Variants in MSRB3 observed in about 807,000 individuals in gnomAD.
MSRB3 encodes methionine-R-sulfoxide reductase B3.
MSRB3 carries 13 observed loss-of-function variants against 21.0 expected under a neutral mutation model. The ratio of observed to expected loss-of-function variants is 0.62; its 90% CI spans 0.40 to 0.98. The LOEUF is 0.98. MSRB3 is among the 50% of genes least tolerant of loss of function. The pLI is 0.00. For synonymous variants in MSRB3, 87 were observed against 88.6 expected (o/e 0.98, Z 0.10); for missense variants, 199 against 230.3 (o/e 0.86, Z 0.88).
chr12:65,353,224 G>T (rs1877148823), intron 4 of MSRB3, among the ~76,000 whole-genome samples: 1 of 152,148 alleles, frequency 6.6e-6, no homozygotes, highest in Admixed American at 6.6e-5. Flanking sequence ...GGAAAGTTCT[G>T]CAGATGTCCA....
At chr12:65,354,629 A>ATT (rs750752641) in intron 4 of MSRB3, among the ~76,000 whole-genome samples, 3 of 151,148 alleles carry the variant, frequency 2.0e-5, no homozygotes, top group African/African-American at 7.3e-5. Context: ...CATTCGTTTA[A>ATT]TTTTTTTTTA....
intron 1 of MSRB3, among the ~76,000 whole-genome samples, chr12:65,305,611 T>C (rs1409916525): frequency 2.0e-5 from 3 of 152,196 alleles, no homozygotes; most frequent in Non-Finnish European, 4.4e-5. Flanking sequence ...AACCTCCCTA[T>C]GCCTCAGTCT....
intron 1 of MSRB3, among the ~76,000 whole-genome samples, chr12:65,305,769 T>C (rs534108106): frequency 4.4e-4 from 66 of 150,902 alleles, no homozygotes; most frequent in African/African-American, 1.4e-3. Context: ...CTGTTGTTTG[T>C]TTTCATTAGA....
At position 65,318,514 on chromosome 12, in the gene MSRB3, T is replaced by TA. The variant is rs1874454085; in HGVS notation, c.77-8311dup. Among the ~76,000 whole-genome samples the TA allele has an allele frequency of 2.6e-5, 4 of 152,256 alleles. 2 individuals carry two copies. The highest frequency in any genetic ancestry group is 2.6e-4 in the Admixed American group (4 of 15,276). On this transcript the variant is annotated intron_variant, in intron 2 of 6. Transcript: ENST00000308259. ...AGCCTGTCTGTTTTTAATTTTTTTT[T>TA]ATGGGCTATGATGTTCTAGTGAAGA... is the stretch of plus-strand genomic sequence containing the variant.
At chr12:65,322,820 G>A (rs897170304) in intron 2 of MSRB3, among the ~76,000 whole-genome samples, 4 of 152,084 alleles carry the variant, frequency 2.6e-5, no homozygotes, top group Non-Finnish European at 4.4e-5. Flanking sequence ...TCTGTAAAAT[G>A]GGCATGACAG....
At chr12:65,325,729 G>A (rs908329394) in intron 2 of MSRB3, among the ~76,000 whole-genome samples, 2 of 152,110 alleles carry the variant, frequency 1.3e-5, no homozygotes, top group Non-Finnish European at 2.9e-5. Flanking sequence ...CTTTCTTCTA[G>A]TAACTTCAAA....
intron 1 of MSRB3, among the ~76,000 whole-genome samples, chr12:65,298,643 T>C (rs192430269): frequency 1.3e-4 from 20 of 152,206 alleles, no homozygotes; most frequent in African/African-American, 4.8e-4. Context: ...AACTTCTCTT[T>C]TATCTGCTAT....
At chr12:65,334,647 A>G (rs938175199) in intron 4 of MSRB3, among the ~76,000 whole-genome samples, 2 of 152,280 alleles carry the variant, frequency 1.3e-5, no homozygotes, top group South Asian at 2.1e-4. Flanking sequence ...CCCAAAAGTA[A>G]TGAGATCCAT....
At chr12:65,311,561 A>G (rs1873988147) in intron 2 of MSRB3, among the ~76,000 whole-genome samples, 1 of 152,102 alleles carries the variant, frequency 6.6e-6, no homozygotes, top group Admixed American at 6.6e-5. Flanking sequence ...AAAAATAAAG[A>G]TGAAATTGAA....
intron 1 of MSRB3, among the ~76,000 whole-genome samples, chr12:65,280,492 G>T (rs561300214): frequency 3.2e-4 from 48 of 152,254 alleles, no homozygotes; most frequent in South Asian, 8.3e-4. Context: ...AACGGCCTTC[G>T]AAGACCAGAA....
At chr12:65,378,758 A>G (rs1314968796) in intron 5 of MSRB3, among the ~76,000 whole-genome samples, 1 of 152,200 alleles carries the variant, frequency 6.6e-6, no homozygotes, top group Admixed American at 6.5e-5. Context: ...CAGAAGACTG[A>G]TGGATGAAGC....
intron 5 of MSRB3, among the ~76,000 whole-genome samples, chr12:65,375,431 A>G (rs1484688288): frequency 6.6e-6 from 1 of 151,980 alleles, no homozygotes; most frequent in Non-Finnish European, 1.5e-5. Flanking sequence ...TAGAGTTTTA[A>G]TATTTTATTT....
At chr12:65,445,865 G>A (rs185112349) in intron 5 of MSRB3, among the ~76,000 whole-genome samples, 4 of 151,936 alleles carry the variant, frequency 2.6e-5, no homozygotes, top group Non-Finnish European at 5.9e-5. Flanking sequence ...GGCTGGTCTC[G>A]AACTCCTGAC....
At chr12:65,444,583 CA>C (rs2136686432) in intron 5 of MSRB3, among the ~76,000 whole-genome samples, 1 of 152,136 alleles carries the variant, frequency 6.6e-6, no homozygotes, top group Admixed American at 6.6e-5. Context: ...ACCTTGATTC[CA>C]AATATCTTAA....
rs976139497 is a variant in MSRB3 at position 65,324,198 on chromosome 12, C to T, written c.77-2628C>T. 2.0e-5 allele frequency among the ~76,000 whole-genome samples: 3 copies of T among 152,102 alleles called. No individual in the cohort carries two copies. The East Asian group carries it at 5.8e-4, about 29-fold the overall frequency. ...TAATTTGGAAGATGACCTTTAAGTG[C>T]ACCAAAACCAAATAATTTGTAGGCT... On this transcript the variant is annotated intron_variant, in intron 2 of 6. Transcript: ENST00000308259.
chr12:65,323,270 T>C (rs769491941), intron 2 of MSRB3, among the ~76,000 whole-genome samples: 1 of 152,184 alleles, frequency 6.6e-6, no homozygotes, highest in Non-Finnish European at 1.5e-5. Context: ...ATACTGGGGC[T>C]TCGAAACAAT....
intron 4 of MSRB3, among the ~76,000 whole-genome samples, chr12:65,335,508 A>G (rs61177668): frequency 0.032 from 4,894 of 152,264 alleles, 272 homozygotes; most frequent in African/African-American, 0.11. Flanking sequence ...ATTCCAGTCC[A>G]GTGCCACACA....
intron 1 of MSRB3, among the ~76,000 whole-genome samples, chr12:65,302,749 G>A (rs1177738616): frequency 6.6e-6 from 1 of 152,068 alleles, no homozygotes; most frequent in Non-Finnish European, 1.5e-5. Flanking sequence ...CTCAACAAAC[G>A]CCAGTTGAGC....
At chr12:65,405,433 A>G (rs1433142053) in intron 5 of MSRB3, among the ~76,000 whole-genome samples, 1 of 151,322 alleles carries the variant, frequency 6.6e-6, no homozygotes, top group Non-Finnish European at 1.5e-5. Context: ...ATATATATAT[A>G]TATCATATAT....
Sources: allele counts gnomAD v4.1 joint callset (sites outside exome capture counted in the v4.1 genomes callset), GRCh38; gene constraint gnomAD v4.1.1; transcripts MANE v1.5; gene names NCBI Gene and HGNC (gene_info 2026-07-23, HGNC 2026-07-21).